Variants in STAT1 observed in about 807,000 individuals in gnomAD.
STAT1 encodes the protein signal transducer and activator of transcription 1-alpha/beta.
A neutral mutation model predicts 111.7 loss-of-function variants in STAT1; 24 were observed. That is an observed-to-expected ratio of 0.21 (90% CI 0.16 to 0.30). STAT1 has a LOEUF of 0.30. STAT1 is among the 10% of genes least tolerant of loss of function. STAT1 has a pLI of 1.00. For missense variants in STAT1, 351 were observed against 911.9 expected, an observed-to-expected ratio of 0.38 and a Z score of 7.92; for synonymous variants, 332 against 326.5, an observed-to-expected ratio of 1.02 and a Z score of -0.18.
In STAT1 at chr2:190,974,722, G is replaced by C. The variant is rs1428588264; in HGVS notation, c.2238+108C>G. On this transcript the variant is annotated intron_variant, in intron 24 of 24. Transcript: ENST00000361099. This position sits in a 1 kb window ranked among gnomAD's most constrained non-coding sequence, Gnocchi z 4.8. ...TGAGCACTGCACTCTCCTTGGCTCC[G>C]CCAGGGCTCCCTCCCGCAGACAGGC... 2 of 1,005,214 alleles carry C rather than the reference G, an allele frequency of 2.0e-6. No individual in the cohort carries two copies. Among genetic ancestry groups the C allele is most frequent in the Non-Finnish European group, 3.1e-6 (2 of 639,610 alleles). 62.3% of individuals were successfully genotyped at this position (1,005,214 alleles called of 1,614,324 possible).
Position 190,985,599 on chromosome 2 carries a change from C to A in STAT1, c.1263+20G>T, listed in dbSNP as rs573738354. On this transcript the variant is annotated intron_variant, in intron 15 of 24. Coordinates refer to ENST00000361099, the MANE Select transcript of STAT1 (RefSeq NM_007315.4). ...GACCTGCCTGATTTGGGCCCATTCA[C>A]AACATAAAGGGACTCTCACCTCATT... 7.6e-5 allele frequency: 122 copies of A among 1,614,054 alleles called. No individual in the cohort carries two copies. The highest frequency in any genetic ancestry group is 1.3e-4 in the Admixed American group (8 of 60,006).
At position 190,999,721 on chromosome 2, in the gene STAT1, A is replaced by C. The variant is rs1450597151; in HGVS notation, c.463-17T>G. 6.3e-7 allele frequency: 1 copy of C among 1,590,102 alleles called. No homozygotes were observed. The highest frequency in any genetic ancestry group is 1.7e-5 in the Admixed American group (1 of 59,992). On this transcript the variant is annotated splice_polypyrimidine_tract_variant and intron_variant, in intron 6 of 24. Transcript: ENST00000361099. The surrounding 1 kb of genome is among the most constrained non-coding windows in gnomAD (Gnocchi z 4.1). ...CTCTATACACTACAAACAAAGATGT[A>C]AACATGTTTTCTACTGATCAGCAAC... is the stretch of plus-strand genomic sequence containing the variant.
chr2:191,006,954 C>G lies in STAT1; in HGVS notation c.372+609G>C, dbSNP rs1218674782. ...TATTGAGTCCTACAAAACTCCTGCC[C>G]CTGCCCCCTCCTTGCCTTCCCAGCT... is the stretch of plus-strand genomic sequence containing the variant. On this transcript the variant is annotated intron_variant, in intron 5 of 24. Coordinates refer to ENST00000361099, the MANE Select transcript of STAT1 (RefSeq NM_007315.4). The surrounding 1 kb of genome is among the most constrained non-coding windows in gnomAD (Gnocchi z 4.6). 6.6e-6 allele frequency among the ~76,000 whole-genome samples: 1 copy of G among 152,138 alleles called. No homozygotes were observed. Among genetic ancestry groups the G allele is most frequent in the African/African-American group, 2.4e-5 (1 of 41,428 alleles).
Position 190,998,732 on chromosome 2 carries a change from T to C in STAT1, c.542-424A>G, listed in dbSNP as rs1694039809. Among the ~76,000 whole-genome samples, 1 of 150,840 alleles carries C rather than the reference T, an allele frequency of 6.6e-6. No homozygotes were observed. Among genetic ancestry groups the C allele is most frequent in the Non-Finnish European group, 1.5e-5 (1 of 67,772 alleles). The stretch of plus-strand genomic sequence containing the variant: ...TTCAGTGACCCATGTAAATCAGACA[T>C]AGTAGTATCTGCCACTTAAGACACT... On this transcript the variant is annotated intron_variant, in intron 7 of 24. Coordinates refer to ENST00000361099, the MANE Select transcript of STAT1 (RefSeq NM_007315.4). This position sits in a 1 kb window ranked among gnomAD's most constrained non-coding sequence, Gnocchi z 4.1.
chr2:190,993,910 A>C lies in STAT1; in HGVS notation c.944+1151T>G, dbSNP rs12693590. Among the ~76,000 whole-genome samples the C allele has an allele frequency of 0.08, 12,188 of 152,126 alleles. 636 individuals carry two copies. Among genetic ancestry groups the C allele is most frequent in the African/African-American group, 0.12 (5,147 of 41,470 alleles). On this transcript the variant is annotated intron_variant, in intron 10 of 24. Coordinates refer to ENST00000361099, the MANE Select transcript of STAT1 (RefSeq NM_007315.4). This position sits in a 1 kb window ranked among gnomAD's most constrained non-coding sequence, Gnocchi z 4.1. ...GCACTGCGCTAGGTCCTGCTGGGGG[A>C]AAAGGGTGACAAAGGCATGTCTCTG...
Position 190,975,646 on chromosome 2 carries a change from T to G in STAT1, c.2135+166A>C. 2 of 1,446,374 alleles carry G rather than the reference T, an allele frequency of 1.4e-6. No individual in the cohort carries two copies. Among genetic ancestry groups the G allele is most frequent in the South Asian group, 2.9e-5 (2 of 68,586 alleles). The allele number at this position is 1,446,374 out of a possible 1,614,324, so 89.6% of individuals were successfully genotyped here. A position where few individuals can be genotyped will look rare whatever the true frequency, so the allele number is the denominator to read the frequency against. ...TTTGGCTTTTTTTTTTTTTTTAAAG[T>G]AGTAAAATGCTGATAGGCAGTAACA... On this transcript the variant is annotated intron_variant, in intron 23 of 24. Coordinates refer to ENST00000361099, the MANE Select transcript of STAT1 (RefSeq NM_007315.4). This position sits in a 1 kb window ranked among gnomAD's most constrained non-coding sequence, Gnocchi z 5.9.
chr2:190,975,735 G>A lies in STAT1; in HGVS notation c.2135+77C>T, dbSNP rs1691859032. ...ATTACAATGGAAAAGTAAAATACAA[G>A]CATCTTCAACAGGCCCCAGCCAGGA... On this transcript the variant is annotated intron_variant, in intron 23 of 24. Coordinates refer to ENST00000361099, the MANE Select transcript of STAT1 (RefSeq NM_007315.4). The surrounding 1 kb of genome is among the most constrained non-coding windows in gnomAD (Gnocchi z 5.9). The A allele has an allele frequency of 1.3e-6, 2 of 1,594,780 alleles. No individual in the cohort carries two copies. The highest frequency in any genetic ancestry group is 2.7e-5 in the African/African-American group (2 of 74,206).
chr2:190,982,635 T>C lies in STAT1; in HGVS notation c.1447-117A>G, dbSNP rs1692477436. ...TCTAGTTTATATGACACACAGGTGC[T>C]TTCACAGTAGGGGAAGAGAAATACA... On this transcript the variant is annotated intron_variant, in intron 17 of 24. Transcript: ENST00000361099. This position sits in a 1 kb window ranked among gnomAD's most constrained non-coding sequence, Gnocchi z 7.3. 1.8e-6 allele frequency: 2 copies of C among 1,124,594 alleles called. No individual in the cohort carries two copies. Among genetic ancestry groups the C allele is most frequent in the Non-Finnish European group, 2.7e-6 (2 of 746,210 alleles). 69.7% of individuals were successfully genotyped at this position (1,124,594 alleles called of 1,614,324 possible).
Position 190,986,775 on chromosome 2 carries a change from A to G in STAT1, c.1221+79T>C, listed in dbSNP as rs752874428. ...GCAGGGGGGCGTCCTCCACATGGCA[A>G]TGTGCCAAAAAGGGCTGCTCTATTG... On this transcript the variant is annotated intron_variant, in intron 14 of 24. Coordinates refer to ENST00000361099, the MANE Select transcript of STAT1 (RefSeq NM_007315.4). This position sits in a 1 kb window ranked among gnomAD's most constrained non-coding sequence, Gnocchi z 5.0. The G allele has an allele frequency of 2.5e-5, 35 of 1,375,950 alleles. No homozygotes were observed. The highest frequency in any genetic ancestry group is 3.5e-5 in the Non-Finnish European group (34 of 963,864). The allele number at this position is 1,375,950 out of a possible 1,614,324, so 85.2% of individuals were successfully genotyped here. A position where few individuals can be genotyped will look rare whatever the true frequency, so the allele number is the denominator to read the frequency against.
In STAT1 at chr2:190,987,184, A is replaced by ATC; in HGVS notation, c.1098-118_1098-117dup. On this transcript the variant is annotated intron_variant, in intron 12 of 24. Transcript: ENST00000361099. The surrounding 1 kb of genome is among the most constrained non-coding windows in gnomAD (Gnocchi z 4.0). ...TAAGTGAATGATGAATAAAAAATAA[A>ATC]TCTACACCTATGGATTTGCAGCCTT... 1.2e-6 allele frequency: 1 copy of ATC among 805,250 alleles called. No homozygotes were observed. Among genetic ancestry groups the ATC allele is most frequent in the Non-Finnish European group, 2.1e-6 (1 of 483,494 alleles). 49.9% of individuals were successfully genotyped at this position (805,250 alleles called of 1,614,324 possible). A position where few individuals can be genotyped will look rare whatever the true frequency, so the allele number is the denominator to read the frequency against.
At position 190,998,663 on chromosome 2, in the gene STAT1, A is replaced by C. The variant is rs1048373811; in HGVS notation, c.542-355T>G. Among the ~76,000 whole-genome samples, 35 of 149,614 alleles carry C rather than the reference A, an allele frequency of 2.3e-4. No homozygotes were observed. The highest frequency in any genetic ancestry group is 1.0e-4 in the Non-Finnish European group (7 of 67,320). On this transcript the variant is annotated intron_variant, in intron 7 of 24. Transcript: ENST00000361099. This position sits in a 1 kb window ranked among gnomAD's most constrained non-coding sequence, Gnocchi z 4.1. ...GGCGACAGAGCGAGACTCCGTCTCC[A>C]AAAAAAAACAAAAAAAACAAAAAAA...
In STAT1 at chr2:190,986,990, TTAAA is replaced by T. The variant is rs757950540; in HGVS notation, c.1127+45_1128-44del. On this transcript the variant is annotated intron_variant, in intron 13 of 24. Transcript: ENST00000361099. This position sits in a 1 kb window ranked among gnomAD's most constrained non-coding sequence, Gnocchi z 5.0. The stretch of plus-strand genomic sequence containing the variant: ...GAAATGCTGAAAAGTCTTCCAACTA[TTAAA>T]TAAATAAAAATATAGCACAGTATAG... 11 of 1,611,280 alleles carry T rather than the reference TTAAA, an allele frequency of 6.8e-6. 1 individual carries two copies. The South Asian group carries it at 8.8e-5, about 13-fold the overall frequency.
intron 10 of STAT1, chr2:190,992,643 C>A: frequency 8.4e-7 from 1 of 1,192,938 alleles, no homozygotes; most frequent in East Asian, 3.0e-5. Context: ...CAAATTTTAG[C>A]AGGAACCTCC....
At position 190,978,472 on chromosome 2, in the gene STAT1, C is replaced by T. The variant is rs1238035722; in HGVS notation, c.1873+384G>A. ...TGTGTATGAAGTCTTCTCCCGAAGC[C>T]TGTCTCATCTGCACACTCTACTCTG... is the stretch of plus-strand genomic sequence containing the variant. On this transcript the variant is annotated intron_variant, in intron 21 of 24. Transcript: ENST00000361099. The surrounding 1 kb of genome is among the most constrained non-coding windows in gnomAD (Gnocchi z 6.1). The T allele has an allele frequency of 3.2e-6, 1 of 309,972 alleles. No homozygotes were observed. The highest frequency in any genetic ancestry group is 2.1e-5 in the African/African-American group (1 of 46,568). The allele number at this position is 309,972 out of a possible 1,614,324, so 19.2% of individuals were successfully genotyped here.
chr2:190,998,879 A>T lies in STAT1; in HGVS notation c.542-571T>A, dbSNP rs1694052596. On this transcript the variant is annotated intron_variant, in intron 7 of 24. Coordinates refer to ENST00000361099, the MANE Select transcript of STAT1 (RefSeq NM_007315.4). This position sits in a 1 kb window ranked among gnomAD's most constrained non-coding sequence, Gnocchi z 4.1. ...GAATTCAGATAAAAAATGTATACAA[A>T]GCATAGCTGTAGCTTTCAAAGAGAA... is the stretch of plus-strand genomic sequence containing the variant. Among the ~76,000 whole-genome samples the T allele has an allele frequency of 1.3e-5, 2 of 152,112 alleles. No individual in the cohort carries two copies. Among genetic ancestry groups the T allele is most frequent in the South Asian group, 4.1e-4 (2 of 4,822 alleles).
Position 190,978,223 on chromosome 2 carries a change from G to T in STAT1, c.1873+633C>A, listed in dbSNP as rs567075266. 6.6e-5 allele frequency among the ~76,000 whole-genome samples: 10 copies of T among 152,324 alleles called. No homozygotes were observed. Among genetic ancestry groups the T allele is most frequent in the African/African-American group, 2.2e-4 (9 of 41,566 alleles). On this transcript the variant is annotated intron_variant, in intron 21 of 24. Transcript: ENST00000361099. The surrounding 1 kb of genome is among the most constrained non-coding windows in gnomAD (Gnocchi z 6.1). ...ACCAAACTCTAAACAACAGTGAAAA[G>T]TAATCAGTTGGTCTTTATGATTTTT...
chr2:190,986,736 G>A lies in STAT1; in HGVS notation c.1221+118C>T, dbSNP rs1692855820. 1.0e-6 allele frequency: 1 copy of A among 994,020 alleles called. No individual in the cohort carries two copies. The allele number at this position is 994,020 out of a possible 1,614,324, so 61.6% of individuals were successfully genotyped here. The stretch of plus-strand genomic sequence containing the variant: ...GCGACAGGAAGACACCAGCCACAAA[G>A]TCTACAAACCCCAGCAGGGGGGCGT... On this transcript the variant is annotated intron_variant, in intron 14 of 24. Coordinates refer to ENST00000361099, the MANE Select transcript of STAT1 (RefSeq NM_007315.4). The surrounding 1 kb of genome is among the most constrained non-coding windows in gnomAD (Gnocchi z 5.0).
rs1380373414 is a variant in STAT1 at position 191,010,023 on chromosome 2, T to A, written c.-1-19A>T. The stretch of plus-strand genomic sequence containing the variant: ...AGACATCCTATAGGGAAAAAGAATA[T>A]ACATTCTTTCTATGTATATGGAAAC... On this transcript the variant is annotated intron_variant, in intron 2 of 24. Transcript: ENST00000361099. 1.2e-6 allele frequency: 2 copies of A among 1,613,402 alleles called. No individual in the cohort carries two copies. Among genetic ancestry groups the A allele is most frequent in the Admixed American group, 1.7e-5 (1 of 59,998 alleles).
intron 3 of STAT1, 21 bp downstream of exon 3, chr2:191,009,855 T>C (rs558468820): frequency 1.2e-6 from 2 of 1,613,536 alleles, no homozygotes; most frequent in African/African-American, 1.3e-5. Flanking sequence ...CTTCTTCTTC[T>C]GTCTAGTGAA....
Sources: gnomAD v4.1 joint callset for allele counts (sites outside exome capture counted in the v4.1 genomes callset) on GRCh38, gnomAD v4.1.1 for gene constraint, Gnocchi (gnomAD v3.1) non-coding constraint, MANE v1.5 for transcripts, NCBI Gene and HGNC (gene_info 2026-07-23, HGNC 2026-07-21) for gene names.